Variants in SLC8A1 observed in about 807,000 individuals in gnomAD.
SLC8A1 encodes the protein solute carrier family 8 member A1, also known as sodium/calcium exchanger 1.
Under a neutral mutation model 68.3 loss-of-function variants are expected in SLC8A1, and 18 were observed. That is an observed-to-expected ratio of 0.26 (90% CI 0.18 to 0.39). The LOEUF (loss-of-function observed/expected upper bound fraction) is 0.39. Ranked by LOEUF, SLC8A1 falls within the 10% of genes least tolerant of loss-of-function variation. The pLI is 1.00. For synonymous variants in SLC8A1, 475 were observed against 415.5 expected, an observed-to-expected ratio of 1.14 and a Z score of -1.74; for missense variants, 985 against 1,156.7, an observed-to-expected ratio of 0.85 and a Z score of 2.15.
Position 40,261,966 on chromosome 2 carries a change from C to CTT in SLC8A1, c.1809-84113_1809-84112dup, listed in dbSNP as rs35330106. Among the ~76,000 whole-genome samples the CTT allele has an allele frequency of 7.1e-4, 101 of 142,068 alleles. 1 individual carries two copies. The highest frequency in any genetic ancestry group is 1.5e-3 in the Admixed American group (21 of 14,302). The allele number at this position is 142,068 out of a possible 152,430, so 93.2% of individuals were successfully genotyped here. On this transcript the variant is annotated intron_variant, in intron 2 of 7. Coordinates refer to ENST00000406785, the Ensembl canonical transcript of SLC8A1. The stretch of plus-strand genomic sequence containing the variant: ...TGAAGACATGAAATGTGTCTTTTCA[C>CTT]TTTTTTTTTTTTTTTGAGACAGAAT...
At chr2:40,175,155 C>G (rs2048245782) in intron 3 of SLC8A1, 106 bp downstream of exon 4, 2 of 1,151,398 alleles carry the variant, frequency 1.7e-6, no homozygotes. Flanking sequence ...AACAATCTTG[C>G]TAGCAAGTCA....
At chr2:40,403,839 A>C (rs1479219464) in intron 2 of SLC8A1, among the ~76,000 whole-genome samples, 1 of 152,216 alleles carries the variant, frequency 6.6e-6, no homozygotes, top group Non-Finnish European at 1.5e-5. Context: ...CAAGAGCACA[A>C]AAATACAGCT....
rs543071075 is a variant in SLC8A1, at chr2:40,490,666, A to G, written c.-25+21683T>C. On this transcript the variant is annotated intron_variant, in intron 1 of 7. Transcript: ENST00000402441. ...GGGTAGGAGTAGTGGATTCACAACTATCTATTTGGATAACCAGGGGTGTCC... is the reference window on the plus strand; with the variant it reads ...GGGTAGGAGTAGTGGATTCACAACTGTCTATTTGGATAACCAGGGGTGTCC... Among the ~76,000 whole-genome samples the G allele has an allele frequency of 1.7e-4, 26 of 152,212 alleles. No individual in the cohort carries two copies. In the South Asian group the frequency reaches 5.2e-3, roughly 30 times the overall value.
At chr2:40,182,457 A>T (rs1328552909) in intron 2 of SLC8A1, among the ~76,000 whole-genome samples, 1 of 152,224 alleles carries the variant, frequency 6.6e-6, no homozygotes, top group East Asian at 1.9e-4. Context: ...CAAAATTTTT[A>T]TGGAAGTACA....
chr2:40,142,951 T>C (rs1380812273), intron 6 of SLC8A1, among the ~76,000 whole-genome samples: 1 of 151,946 alleles, frequency 6.6e-6, no homozygotes, highest in Non-Finnish European at 1.5e-5. Context: ...TGTGAGTGTG[T>C]GTGTGTGTGT....
At chr2:40,469,184 C>T (rs1453295886) in intron 1 of SLC8A1, among the ~76,000 whole-genome samples, 2 of 152,100 alleles carry the variant, frequency 1.3e-5, no homozygotes, top group East Asian at 3.9e-4. Context: ...GCTTTTTAAA[C>T]ATACATGATG....
At position 40,450,042 on chromosome 2, in the gene SLC8A1, A is replaced by C. The variant is rs558163274; in HGVS notation, c.-25+1862T>G. On this transcript the variant is annotated intron_variant, in intron 1 of 7. Transcript: ENST00000406785. ...TAAAACGAAAACCATTTAAGAGCAC[A>C]CATCTTGCCTCTTGATGAAATAAGT... 2.0e-5 allele frequency among the ~76,000 whole-genome samples: 3 copies of C among 152,344 alleles called. 1 individual carries two copies. In the South Asian group the frequency reaches 6.2e-4, roughly 32 times the overall value.
intron 2 of SLC8A1, among the ~76,000 whole-genome samples, chr2:40,385,883 T>G (rs1187295426): frequency 6.6e-6 from 1 of 151,242 alleles, no homozygotes; most frequent in Non-Finnish European, 1.5e-5. Context: ...AAAATGATAA[T>G]CCACTTGATG....
chr2:40,469,047 T>C (rs1424344013), intron 1 of SLC8A1, among the ~76,000 whole-genome samples: 2 of 152,136 alleles, frequency 1.3e-5, no homozygotes, highest in South Asian at 2.1e-4. Context: ...ATTACCACAC[T>C]TGAAAAGTTA....
intron 2 of SLC8A1, among the ~76,000 whole-genome samples, chr2:40,412,396 T>C (rs1031105946): frequency 3.3e-5 from 5 of 152,278 alleles, no homozygotes; most frequent in Admixed American, 2.0e-4. Flanking sequence ...TTTGTAATCA[T>C]ATATTTACAA....
intron 2 of SLC8A1, among the ~76,000 whole-genome samples, chr2:40,398,348 T>A (rs1354057142): frequency 6.6e-6 from 1 of 152,150 alleles, no homozygotes; most frequent in Non-Finnish European, 1.5e-5. Context: ...CATATCTAGA[T>A]CCACTCCTCA....
chr2:40,204,640 A>T (rs1167478729), intron 2 of SLC8A1, among the ~76,000 whole-genome samples: 2 of 151,994 alleles, frequency 1.3e-5, no homozygotes, highest in Non-Finnish European at 2.9e-5. Flanking sequence ...GAGAAACTTG[A>T]CTTACTTTGA....
intron 2 of SLC8A1, among the ~76,000 whole-genome samples, chr2:40,192,805 T>C (rs1170898391): frequency 6.6e-6 from 1 of 152,142 alleles, no homozygotes; most frequent in Admixed American, 6.6e-5. Flanking sequence ...TTTAATTAAA[T>C]TGCTTTCACA....
In SLC8A1 at chr2:40,157,927, G is replaced by A. The variant is rs1314478968; in HGVS notation, c.2161+2838C>T. On this transcript the variant is annotated intron_variant, in intron 6 of 7. Coordinates refer to ENST00000406785, the Ensembl canonical transcript of SLC8A1. ...GTTGGCAGAATCATTATGGTCACAG[G>A]AGGCCCAAGTACTGAGCTATGAAAT... Among the ~76,000 whole-genome samples, 4 of 152,148 alleles carry A rather than the reference G, an allele frequency of 2.6e-5. No individual in the cohort carries two copies. The South Asian group carries it at 8.3e-4, about 32-fold the overall frequency.
At chr2:40,282,902 A>C (rs1465277102) in intron 2 of SLC8A1, among the ~76,000 whole-genome samples, 1 of 152,184 alleles carries the variant, frequency 6.6e-6, no homozygotes, top group Non-Finnish European at 1.5e-5. Context: ...CCCTGGGGTT[A>C]GCCTTATCAT....
At chr2:40,458,340 G>A (rs1336975485) in intron 1 of SLC8A1, among the ~76,000 whole-genome samples, 1 of 152,082 alleles carries the variant, frequency 6.6e-6, no homozygotes, top group Non-Finnish European at 1.5e-5. Context: ...GATCTAGAAA[G>A]TCCAGTCCAT....
chr2:40,383,823 ATAAT>A (rs1422994934), intron 2 of SLC8A1, among the ~76,000 whole-genome samples: 1 of 152,158 alleles, frequency 6.6e-6, no homozygotes, highest in Non-Finnish European at 1.5e-5. Context: ...GGAAATTGTC[ATAAT>A]TAATAGCATC....
chr2:40,232,615 T>A (rs935968723), intron 2 of SLC8A1, among the ~76,000 whole-genome samples: 1 of 131,308 alleles, frequency 7.6e-6, no homozygotes, highest in East Asian at 2.0e-4. Context: ...TTTTTTTTTA[T>A]ATACTTTAAG....
At position 40,435,168 on chromosome 2, in the gene SLC8A1, G is replaced by A. The variant is rs542214285; in HGVS notation, c.-24-4864C>T. On this transcript the variant is annotated intron_variant, in intron 1 of 7. Coordinates refer to ENST00000406785, the Ensembl canonical transcript of SLC8A1. ...CCTTGATGGCCTTCATCAGTACTTG[G>A]AATTCCCTTCTATGTAATTCTTGCT... Among the ~76,000 whole-genome samples the A allele has an allele frequency of 3.3e-5, 5 of 152,246 alleles. No individual in the cohort carries two copies. In the East Asian group the frequency reaches 9.7e-4, roughly 29 times the overall value.
Sources: allele counts gnomAD v4.1 joint callset (sites outside exome capture counted in the v4.1 genomes callset), GRCh38; gene constraint gnomAD v4.1.1; transcripts MANE v1.5; gene names NCBI Gene and HGNC (gene_info 2026-07-23, HGNC 2026-07-21).